CR1L: variants seen among roughly 807,000 people sequenced by gnomAD.
CR1L encodes the protein complement C3b/C4b receptor 1 like.
Under a neutral mutation model 62.3 loss-of-function variants are expected in CR1L, and 59 were observed. The ratio of observed to expected loss-of-function variants is 0.95; its 90% CI spans 0.77 to 1.18. The LOEUF (loss-of-function observed/expected upper bound fraction) is 1.18. Ranked by LOEUF, CR1L falls within the 50% of genes most tolerant of loss-of-function variation. The pLI is 0.00. For synonymous variants in CR1L, 279 were observed against 248.7 expected (o/e 1.12, Z -1.15); for missense variants, 700 against 702.8 (o/e 1.00, Z 0.04).
chr1:207,672,419 CA>C (rs1279394188), intron 1 of CR1L, among the ~76,000 whole-genome samples: 7 of 143,494 alleles, frequency 4.9e-5, no homozygotes, highest in African/African-American at 2.1e-4. Flanking sequence ...TAGATGAATG[CA>C]CTATCATAGT....
At chr1:207,714,450 C>A (rs1031444265) in intron 10 of CR1L, among the ~76,000 whole-genome samples, 3 of 152,102 alleles carry the variant, frequency 2.0e-5, no homozygotes, top group African/African-American at 7.2e-5. Context: ...TGTAGCTAGG[C>A]TTTAAACTGT....
At chr1:207,708,979 G>T (rs1423786747) in intron 10 of CR1L, 1 of 342,878 alleles carries the variant, frequency 2.9e-6, no homozygotes, top group Non-Finnish European at 5.7e-6. Context: ...TATGGCTGTA[G>T]ATCAGTATCC....
At chr1:207,706,013 G>GTATATATATATATATATATATATATA (rs139294447) in intron 9 of CR1L, among the ~76,000 whole-genome samples, 1 of 133,600 alleles carries the variant, frequency 7.5e-6, no homozygotes, top group Non-Finnish European at 1.6e-5. Flanking sequence ...GTGTGTGTAT[G>GTATATATATATATATATATATATATA]TATATATATA....
chr1:207,708,153 A>G lies in CR1L; in HGVS notation c.1329-25A>G, dbSNP rs370511076. The G allele has an allele frequency of 1.3e-5, 21 of 1,608,784 alleles. 1 individual carries two copies. The highest frequency in any genetic ancestry group is 9.4e-5 in the African/African-American group (7 of 74,634). On this transcript the variant is annotated intron_variant, in intron 9 of 11. Coordinates refer to ENST00000508064, the MANE Select transcript of CR1L (RefSeq NM_175710.2). ...AAGTTGATGAGGTATGTACAGCACAATTATTTTCCATTTTTTGCCTTTAGG... is the reference window on the plus strand; with the variant it reads ...AAGTTGATGAGGTATGTACAGCACAGTTATTTTCCATTTTTTGCCTTTAGG...
chr1:207,720,661 A>T, intron 11 of CR1L, among the ~76,000 whole-genome samples: 1 of 152,238 alleles, frequency 6.6e-6, no homozygotes, highest in Admixed American at 6.5e-5. Context: ...CTTTAAAGCC[A>T]GAATTAATAC....
chr1:207,695,915 C>T (rs1169379796), intron 5 of CR1L, among the ~76,000 whole-genome samples: 3 of 152,184 alleles, frequency 2.0e-5, no homozygotes, highest in Non-Finnish European at 4.4e-5. Context: ...CCCCCATGAT[C>T]CAGTCACTTC....
At chr1:207,676,838 T>G (rs558334998) in intron 1 of CR1L, among the ~76,000 whole-genome samples, 10 of 152,212 alleles carry the variant, frequency 6.6e-5, no homozygotes, top group African/African-American at 2.4e-4. Flanking sequence ...GTATTTTTAG[T>G]AGAGACGGGG....
chr1:207,661,497 G>A (rs1219847553), intron 1 of CR1L, among the ~76,000 whole-genome samples: 1 of 151,990 alleles, frequency 6.6e-6, no homozygotes, highest in Non-Finnish European at 1.5e-5. Context: ...CCATTTGCTT[G>A]GTAGATCTTC....
Position 207,678,220 on chromosome 1 carries a change from A to G in CR1L, c.300A>G (p.Pro100=). 6.2e-7 allele frequency: 1 copy of G among 1,613,714 alleles called. No individual in the cohort carries two copies. The highest frequency in any genetic ancestry group is 8.5e-7 in the Non-Finnish European group (1 of 1,179,630). ...KCKRKSCRNP[P]DPVNGMAHVI... is the part of the protein sequence containing the mutation. ...TAGGTAAATCATGTCGTAATCCTCC[A>G]GATCCTGTGAATGGCATGGCACATG... The change falls in exon 3 of 12, where the codon CCA becomes CCG. Residue 100 remains proline (P), a synonymous_variant. Coordinates refer to ENST00000508064, the MANE Select transcript of CR1L (RefSeq NM_175710.2).
chr1:207,662,301 G>C lies in CR1L; in HGVS notation c.98-15088G>C, dbSNP rs190762299. ...AGGTACACCAATCAGACGTAGATTT[G>C]GTCTTTCCATATAGTCCCATATTTC... On this transcript the variant is annotated intron_variant, in intron 1 of 11. Transcript: ENST00000508064. 2.8e-3 allele frequency among the ~76,000 whole-genome samples: 421 copies of C among 152,118 alleles called. 3 individuals carry two copies. Among genetic ancestry groups the C allele is most frequent in the African/African-American group, 1.0e-2 (413 of 41,486 alleles).
chr1:207,695,819 G>A (rs1664094387), intron 5 of CR1L, among the ~76,000 whole-genome samples: 1 of 152,132 alleles, frequency 6.6e-6, no homozygotes, highest in African/African-American at 2.4e-5. Flanking sequence ...AACTAGGGAG[G>A]TGCTACACAT....
intron 9 of CR1L, among the ~76,000 whole-genome samples, chr1:207,705,216 C>T (rs1048584469): frequency 5.3e-5 from 8 of 152,232 alleles, no homozygotes; most frequent in Admixed American, 3.9e-4. Context: ...ATAAGGACAC[C>T]GGGCATATTG....
chr1:207,722,915 A>T (rs1654170376), intron 11 of CR1L, among the ~76,000 whole-genome samples: 2 of 152,204 alleles, frequency 1.3e-5, no homozygotes, highest in South Asian at 4.1e-4. Flanking sequence ...AACTAGAAAT[A>T]AATGCACAAT....
At chr1:207,667,689 C>A (rs1663543762) in intron 1 of CR1L, among the ~76,000 whole-genome samples, 1 of 152,018 alleles carries the variant, frequency 6.6e-6, no homozygotes, top group Non-Finnish European at 1.5e-5. Context: ...TGATTGTACA[C>A]ATTTATGGGA....
intron 10 of CR1L, chr1:207,710,340 C>G: frequency 2.5e-6 from 3 of 1,193,324 alleles, no homozygotes; most frequent in Non-Finnish European, 3.7e-6. Context: ...AAGACTCTGT[C>G]CCAAGGTTTT....
At chr1:207,709,596 G>A (rs111733049) in intron 10 of CR1L, among the ~76,000 whole-genome samples, 4,193 of 152,242 alleles carry the variant, frequency 0.028, 205 homozygotes, top group African/African-American at 0.094. Context: ...AGTACATTGG[G>A]AGGCCCAAGG....
At chr1:207,677,307 CAAAAAAAAAAA>C (rs57151160) in intron 1 of CR1L, 71 bp from the exon 2 acceptor site, 744 of 505,704 alleles carry the variant, frequency 1.5e-3, no homozygotes, top group Non-Finnish European at 1.5e-3. Context: ...GACTCTGTCA[CAAAAAAAAAAA>C]AAAAAAAAAA....
At chr1:207,703,094 A>G (rs1172299693) in intron 9 of CR1L, among the ~76,000 whole-genome samples, 2 of 152,198 alleles carry the variant, frequency 1.3e-5, no homozygotes, top group Admixed American at 6.5e-5. Context: ...TCTCCATAAC[A>G]TAAAGGTGCA....
At chr1:207,666,669 T>C (rs1663529069) in intron 1 of CR1L, among the ~76,000 whole-genome samples, 1 of 152,112 alleles carries the variant, frequency 6.6e-6, no homozygotes, top group Non-Finnish European at 1.5e-5. Flanking sequence ...CATGGACAGA[T>C]GTGGGGGAAC....
Sources: allele counts gnomAD v4.1 joint callset (sites outside exome capture counted in the v4.1 genomes callset), GRCh38; gene constraint gnomAD v4.1.1; transcripts MANE v1.5; gene names NCBI Gene and HGNC (gene_info 2026-07-23, HGNC 2026-07-21).